The following SHISA9 variants were observed in gnomAD, a reference collection of about 807,000 sequenced individuals.
The protein encoded by SHISA9 is protein shisa-9.
Under a neutral mutation model 38.0 loss-of-function variants are expected in SHISA9, and 13 were observed. That is an observed-to-expected ratio of 0.34 (90% CI 0.22 to 0.54). SHISA9 has a LOEUF of 0.54. Ranked by LOEUF, SHISA9 falls within the 20% of genes least tolerant of loss-of-function variation. The pLI, the probability that SHISA9 is intolerant of heterozygous loss-of-function variation, is 0.91. For missense variants in SHISA9, 538 were observed against 575.8 expected (o/e 0.93, Z 0.67); for synonymous variants, 275 against 242.0 (o/e 1.14, Z -1.27).
chr16:12,903,352 CG>C (rs1316818637), intron 1 of SHISA9, among the ~76,000 whole-genome samples: 2 of 152,140 alleles, frequency 1.3e-5, no homozygotes, highest in African/African-American at 4.8e-5. Context: ...GCGTGGACTC[CG>C]GGGGCCCGAG....
At chr16:13,427,104 T>C in the SHISA9 span, among the ~76,000 whole-genome samples, 2 of 152,206 alleles carry the variant, frequency 1.3e-5, no homozygotes, top group Non-Finnish European at 2.9e-5. Flanking sequence ...TGAAACATTG[T>C]TGGCTGGCAT....
At chr16:12,975,118 G>A (rs978551062) in intron 2 of SHISA9, among the ~76,000 whole-genome samples, 19 of 152,104 alleles carry the variant, frequency 1.2e-4, no homozygotes, top group African/African-American at 4.3e-4. Flanking sequence ...GCTCTTGAGG[G>A]GCTTTTGTTT....
intron 2 of SHISA9, among the ~76,000 whole-genome samples, chr16:12,960,097 G>A (rs1406157865): frequency 6.6e-6 from 1 of 152,118 alleles, no homozygotes; most frequent in Non-Finnish European, 1.5e-5. Context: ...TTACTTGCGT[G>A]GTGTGCTCAT....
intron 2 of SHISA9, among the ~76,000 whole-genome samples, chr16:12,989,019 C>T (rs1208365233): frequency 6.6e-6 from 1 of 151,996 alleles, no homozygotes; most frequent in East Asian, 1.9e-4. Context: ...GTAGATGGAG[C>T]CACAGCAGCT....
the SHISA9 span, among the ~76,000 whole-genome samples, chr16:13,446,475 G>T: frequency 6.6e-6 from 1 of 152,122 alleles, no homozygotes; most frequent in African/African-American, 2.4e-5. Context: ...GTTCAGTGAG[G>T]CCAATAAAGC....
chr16:13,460,337 T>A, the SHISA9 span, among the ~76,000 whole-genome samples: 1 of 152,126 alleles, frequency 6.6e-6, no homozygotes, highest in Non-Finnish European at 1.5e-5. Context: ...CAAGACTCAT[T>A]ATATATCAGT....
At chr16:13,004,097 T>A (rs1419487853) in intron 2 of SHISA9, among the ~76,000 whole-genome samples, 1 of 152,190 alleles carries the variant, frequency 6.6e-6, no homozygotes, top group Non-Finnish European at 1.5e-5. Context: ...TTCTTTGCAC[T>A]CTGCTTTCCA....
the SHISA9 span, chr16:13,332,687 G>C: frequency 6.6e-6 from 1 of 152,220 alleles, no homozygotes; most frequent in African/African-American, 2.4e-5. Context: ...TTTCCCCAGA[G>C]AGAGAAGAAC....
the SHISA9 span, among the ~76,000 whole-genome samples, chr16:13,414,917 G>A: frequency 6.6e-6 from 1 of 152,320 alleles, no homozygotes; most frequent in African/African-American, 2.4e-5. Flanking sequence ...ACAGGCGTGA[G>A]CCACTGTGCC....
intron 2 of SHISA9, among the ~76,000 whole-genome samples, chr16:12,943,563 G>T (rs1485543454): frequency 2.6e-5 from 4 of 152,142 alleles, no homozygotes; most frequent in African/African-American, 9.7e-5. Context: ...ATGATAAGAT[G>T]TGTAAACTGC....
At chr16:13,003,880 T>G (rs537300112) in intron 2 of SHISA9, among the ~76,000 whole-genome samples, 2,315 of 146,828 alleles carry the variant, frequency 0.016, 35 homozygotes, top group Middle Eastern at 0.042. Context: ...ATAATAATAA[T>G]AATAATAATA....
At chr16:13,363,820 A>C in the SHISA9 span, among the ~76,000 whole-genome samples, 1 of 152,222 alleles carries the variant, frequency 6.6e-6, no homozygotes, top group East Asian at 1.9e-4. Context: ...CAAATCACGG[A>C]AGATTACTAT....
At chr16:13,344,696 T>C in the SHISA9 span, among the ~76,000 whole-genome samples, 13 of 152,154 alleles carry the variant, frequency 8.5e-5, no homozygotes, top group Middle Eastern at 3.2e-3. Flanking sequence ...GCACTTACAA[T>C]AGATGCTATT....
At chr16:13,209,550 A>G (rs1256372310) in intron 3 of SHISA9, among the ~76,000 whole-genome samples, 2 of 152,244 alleles carry the variant, frequency 1.3e-5, no homozygotes, top group Non-Finnish European at 2.9e-5. Context: ...TTCTGTTTCA[A>G]TACAATCCAT....
At chr16:13,127,164 G>A (rs1266211285) in intron 2 of SHISA9, among the ~76,000 whole-genome samples, 1 of 137,460 alleles carries the variant, frequency 7.3e-6, no homozygotes, top group Admixed American at 7.2e-5. Flanking sequence ...GGGAGAGAGG[G>A]AAGGGGGAGA....
chr16:13,090,087 T>A (rs2073757761), intron 2 of SHISA9, among the ~76,000 whole-genome samples: 1 of 152,262 alleles, frequency 6.6e-6, no homozygotes, highest in Admixed American at 6.5e-5. Flanking sequence ...AGCAAGTTGT[T>A]CAGTTTCCAT....
At chr16:13,399,579 G>T in the SHISA9 span, among the ~76,000 whole-genome samples, 1 of 152,130 alleles carries the variant, frequency 6.6e-6, no homozygotes, top group Non-Finnish European at 1.5e-5. Flanking sequence ...CTGCCACATT[G>T]CTCCTGGCAC....
At chr16:13,145,118 G>T (rs1341129036) in intron 2 of SHISA9, among the ~76,000 whole-genome samples, 1 of 152,154 alleles carries the variant, frequency 6.6e-6, no homozygotes, top group Non-Finnish European at 1.5e-5. Context: ...CCTATCGCAG[G>T]GATGAGAGAT....
At chr16:13,367,710 GCGCACACACACA>G in the SHISA9 span, among the ~76,000 whole-genome samples, 6 of 90,578 alleles carry the variant, frequency 6.6e-5, no homozygotes, top group South Asian at 1.8e-3. Context: ...GCGCGCGCGC[GCGCACACACACA>G]CACACACACA....
Sources: allele counts gnomAD v4.1 joint callset (sites outside exome capture counted in the v4.1 genomes callset), GRCh38; gene constraint gnomAD v4.1.1; transcripts MANE v1.5; gene names NCBI Gene and HGNC (gene_info 2026-07-23, HGNC 2026-07-21).